PPIH: variants seen among roughly 807,000 people sequenced by gnomAD.
PPIH encodes peptidyl-prolyl cis-trans isomerase H.
In PPIH, 16 loss-of-function variants were observed where a neutral mutation model predicts 27.6. That is an observed-to-expected ratio of 0.58 (90% CI 0.39 to 0.88). PPIH has a LOEUF of 0.88. PPIH is among the 40% of genes least tolerant of loss of function. The pLI is 0.00. For missense variants in PPIH, 155 were observed against 224.1 expected, an observed-to-expected ratio of 0.69 and a Z score of 1.97; for synonymous variants, 63 against 76.1, an observed-to-expected ratio of 0.83 and a Z score of 0.90.
At chr1:42,660,525 G>A (rs1286252524) in intron 4 of PPIH, among the ~76,000 whole-genome samples, 1 of 152,156 alleles carries the variant, frequency 6.6e-6, no homozygotes, top group African/African-American at 2.4e-5. Flanking sequence ...CGCCTCCTGG[G>A]TTCAAGCAAT....
chr1:42,678,915 G>A (rs899833637), downstream of PPIH: 1 of 152,250 alleles, frequency 6.6e-6, no homozygotes, highest in Non-Finnish European at 1.5e-5. Context: ...AAGGTGGCGA[G>A]GGCTTTCTAG....
intron 9 of PPIH, among the ~76,000 whole-genome samples, chr1:42,674,796 T>G (rs1352776616): frequency 1.3e-5 from 2 of 152,126 alleles, no homozygotes; most frequent in African/African-American, 4.8e-5. Context: ...CAGCAAATAT[T>G]TATGTGCCTG....
chr1:42,664,248 C>T (rs576644978), intron 5 of PPIH, among the ~76,000 whole-genome samples: 5 of 152,314 alleles, frequency 3.3e-5, no homozygotes, highest in African/African-American at 9.6e-5. Context: ...TCTCTGTTCT[C>T]TAGCCCAGCT....
chr1:42,666,407 CA>C, intron 7 of PPIH, 139 bp from the exon 8 acceptor site: 2 of 815,398 alleles, frequency 2.5e-6, no homozygotes, highest in Non-Finnish European at 4.0e-6. Context: ...TGACCTTGAG[CA>C]AGTCATTTCA....
chr1:42,668,990 G>A (rs1649485410), intron 9 of PPIH, among the ~76,000 whole-genome samples: 1 of 151,776 alleles, frequency 6.6e-6, no homozygotes, highest in African/African-American at 2.4e-5. Flanking sequence ...AGGGCAGATA[G>A]CTTGAGCTCA....
At chr1:42,660,777 C>A (rs1648965105) in intron 4 of PPIH, 85 bp from the exon 5 acceptor site, 9 of 1,183,842 alleles carry the variant, frequency 7.6e-6, no homozygotes, top group Non-Finnish European at 1.2e-6. Context: ...ATTTTGAAAT[C>A]AACGTTAATC....
chr1:42,663,334 A>G (rs1037451535), intron 5 of PPIH, among the ~76,000 whole-genome samples: 5 of 152,198 alleles, frequency 3.3e-5, no homozygotes, highest in Admixed American at 1.3e-4. Context: ...TAGATGAGGA[A>G]ATTGAGGCTC....
At chr1:42,667,273 GCAGGCAT>G in intron 8 of PPIH, 71 bp from the exon 9 acceptor site, 1 of 1,303,730 alleles carries the variant, frequency 7.7e-7, no homozygotes, top group African/African-American at 1.5e-5. Flanking sequence ...CACAGGGCTG[GCAGGCAT>G]CAGTAAAAGT....
chr1:42,681,447 T>C (rs934833951), downstream of PPIH: 2 of 152,118 alleles, frequency 1.3e-5, no homozygotes, highest in Non-Finnish European at 2.9e-5. Flanking sequence ...AGAAACTGAC[T>C]CGCGAACTAT....
In PPIH at chr1:42,673,953, C is replaced by T. The variant is rs144094441; in HGVS notation, c.*22-2631C>T. Among the ~76,000 whole-genome samples, 21 of 152,340 alleles carry T rather than the reference C, an allele frequency of 1.4e-4. No individual in the cohort carries two copies. In the East Asian group the frequency reaches 3.3e-3, roughly 24 times the overall value. ...TTCATTCTAGAATTACCTATAGATGCGAGACATTCCCGTAGGGGAAGATTA... is the reference window on the plus strand; with the variant it reads ...TTCATTCTAGAATTACCTATAGATGTGAGACATTCCCGTAGGGGAAGATTA... On this transcript the variant is annotated intron_variant, in intron 9 of 9. Coordinates refer to ENST00000304979, the MANE Select transcript of PPIH (RefSeq NM_006347.4).
downstream of PPIH, among the ~76,000 whole-genome samples, chr1:42,677,281 C>T (rs1186461283): frequency 6.6e-6 from 1 of 151,954 alleles, no homozygotes; most frequent in Non-Finnish European, 1.5e-5. Flanking sequence ...CAAGACCAGC[C>T]TGGCCAAGAT....
downstream of PPIH, among the ~76,000 whole-genome samples, chr1:42,678,096 T>C (rs1649940601): frequency 6.6e-6 from 1 of 152,192 alleles, no homozygotes; most frequent in African/African-American, 2.4e-5. Flanking sequence ...GGAAACATAC[T>C]TCAGAGGACA....
At chr1:42,664,473 T>G (rs1649220174) in intron 5 of PPIH, among the ~76,000 whole-genome samples, 1 of 152,070 alleles carries the variant, frequency 6.6e-6, no homozygotes, top group South Asian at 2.1e-4. Flanking sequence ...CTTAGATAGT[T>G]TAGGGGAATG....
chr1:42,660,554 C>T (rs935209713), intron 4 of PPIH, among the ~76,000 whole-genome samples: 4 of 152,086 alleles, frequency 2.6e-5, no homozygotes, highest in Non-Finnish European at 4.4e-5. Context: ...CTCAGCCTCC[C>T]GAGTAGCCAG....
chr1:42,666,211 G>T (rs1649328901), intron 7 of PPIH, 144 bp downstream of exon 7: 2 of 787,888 alleles, frequency 2.5e-6, no homozygotes, highest in Non-Finnish European at 4.2e-6. Flanking sequence ...ATGGTGGGGA[G>T]GTGGGGAACA....
At chr1:42,659,295 G>T (rs1249439053) in intron 3 of PPIH, 44 bp downstream of exon 3, 4 of 1,614,226 alleles carry the variant, frequency 2.5e-6, no homozygotes, top group Non-Finnish European at 3.4e-6. Context: ...CTCCAGAGGG[G>T]TGTTCTGGGG....
chr1:42,670,395 A>G (rs2148722120), intron 9 of PPIH, among the ~76,000 whole-genome samples: 1 of 152,306 alleles, frequency 6.6e-6, no homozygotes, highest in Non-Finnish European at 1.5e-5. Context: ...AACGATAACA[A>G]AAAGAATAAA....
At chr1:42,680,731 A>G (rs1024428537), downstream of PPIH, among the ~76,000 whole-genome samples, 3 of 152,246 alleles carry the variant, frequency 2.0e-5, no homozygotes, top group Non-Finnish European at 4.4e-5. Context: ...TGAGCTAAGA[A>G]TACAAATGGT....
At chr1:42,677,813 A>G (rs1649933271), downstream of PPIH, among the ~76,000 whole-genome samples, 2 of 152,236 alleles carry the variant, frequency 1.3e-5, no homozygotes, top group Non-Finnish European at 2.9e-5. Flanking sequence ...TGACAGAGTG[A>G]GACCCCATCT....
Sources: allele counts gnomAD v4.1 joint callset (sites outside exome capture counted in the v4.1 genomes callset), GRCh38; gene constraint gnomAD v4.1.1; transcripts MANE v1.5; gene names NCBI Gene and HGNC (gene_info 2026-07-23, HGNC 2026-07-21).